SLFN12: variants seen among roughly 807,000 people sequenced by gnomAD.
SLFN12 encodes the protein schlafen family member 12.
A neutral mutation model predicts 29.1 loss-of-function variants in SLFN12; 25 were observed. The observed-to-expected ratio is 0.86, with a 90% CI of 0.63 to 1.20. The LOEUF (loss-of-function observed/expected upper bound fraction) is 1.20. Among genes scored for constraint, SLFN12 ranks in the 50% most tolerant of loss-of-function variants. SLFN12 has a pLI of 0.00. For missense variants in SLFN12, 660 were observed against 666.2 expected, an observed-to-expected ratio of 0.99 and a Z score of 0.10; for synonymous variants, 257 against 238.7, an observed-to-expected ratio of 1.08 and a Z score of -0.71.
At chr17:35,421,036 C>T (rs1911600754) in intron 2 of SLFN12, among the ~76,000 whole-genome samples, 1 of 151,630 alleles carries the variant, frequency 6.6e-6, no homozygotes, top group South Asian at 2.1e-4. Context: ...GGTGAAACTC[C>T]GTCTCTACTA....
intron 3 of SLFN12, among the ~76,000 whole-genome samples, chr17:35,416,880 C>G (rs1423820630): frequency 6.6e-6 from 1 of 152,068 alleles, no homozygotes; most frequent in Non-Finnish European, 1.5e-5. Context: ...GATCACACCG[C>G]TACACTTCAG....
intron 1 of SLFN12, among the ~76,000 whole-genome samples, chr17:35,424,410 T>C (rs1311315760): frequency 3.3e-5 from 5 of 150,894 alleles, no homozygotes; most frequent in Admixed American, 2.0e-4. Flanking sequence ...TAAGTTTAAC[T>C]TTTTTAAAAG....
chr17:35,415,386 T>C (rs1037372250), intron 3 of SLFN12, among the ~76,000 whole-genome samples: 6 of 151,944 alleles, frequency 3.9e-5, no homozygotes, highest in African/African-American at 1.4e-4. Context: ...AAGACTTAAA[T>C]CTAAGACCTG....
Position 35,422,549 on chromosome 17 carries a change from T to C in SLFN12, c.480A>G (p.Pro160=), listed in dbSNP as rs1342168081. 11 of 1,614,024 alleles carry C rather than the reference T, an allele frequency of 6.8e-6. No individual in the cohort carries two copies. Among genetic ancestry groups the C allele is most frequent in the Middle Eastern group, 1.6e-4 (1 of 6,084 alleles). ...CACAGGGCCTCTTTGCCAGCAATTC[T>C]GGTCTTAAATACAATCTCCCTCTAG... The part of the protein sequence containing the change: ...KKTRGRLYLR[P]ELLAKRPCVD... The change falls in exon 2 of 4, where the codon CCA becomes CCG. Residue 160 remains proline (P), a synonymous_variant. Transcript: ENST00000304905.
chr17:35,431,351 A>G (rs1445353558), intron 1 of SLFN12, among the ~76,000 whole-genome samples: 1 of 152,156 alleles, frequency 6.6e-6, no homozygotes, highest in East Asian at 1.9e-4. Context: ...CTTTAACCCG[A>G]CACAACCCTG....
At chr17:35,416,523 T>C (rs1368227960) in intron 3 of SLFN12, among the ~76,000 whole-genome samples, 2 of 152,054 alleles carry the variant, frequency 1.3e-5, no homozygotes, top group Non-Finnish European at 2.9e-5. Flanking sequence ...AAAATTAACA[T>C]ATAAGATACC....
chr17:35,425,838 C>CTTTTTTTTTTTTTTTTTTTTTTTTTTT (rs58492425), intron 1 of SLFN12, among the ~76,000 whole-genome samples: 5 of 39,142 alleles, frequency 1.3e-4, no homozygotes, highest in Admixed American at 7.5e-4. Flanking sequence ...CTTTTCTTTT[C>CTTTTTTTTTTTTTTTTTTTTTTTTTTT]TTTTTTTTTT....
At position 35,411,519 on chromosome 17, in the gene SLFN12, G is replaced by A. The variant is rs755860428; in HGVS notation, c.1556C>T (p.Pro519Leu). 17 of 1,613,938 alleles carry A rather than the reference G, an allele frequency of 1.1e-5. No individual in the cohort carries two copies. The highest frequency in any genetic ancestry group is 1.4e-5 in the Non-Finnish European group (16 of 1,180,028). The change falls in exon 4 of 4, where the codon CCT becomes CTT. Residue 519 changes from proline to leucine, a missense_variant. Transcript: ENST00000304905. ...QYDLRSQVIY[P>L]ESYYFTRRKY... The stretch of plus-strand genomic sequence containing the variant: ...CCTTCTTGTAAAATAGTAGGATTCA[G>A]GGTAAATTACTTGCGACCTTAAATC...
At chr17:35,428,364 G>A (rs1408227887) in intron 1 of SLFN12, among the ~76,000 whole-genome samples, 4 of 151,960 alleles carry the variant, frequency 2.6e-5, no homozygotes, top group Non-Finnish European at 4.4e-5. Context: ...ATCTTAGTGG[G>A]GATTACAGAA....
intron 2 of SLFN12, among the ~76,000 whole-genome samples, chr17:35,421,273 A>C (rs1427160773): frequency 6.6e-6 from 1 of 151,206 alleles, no homozygotes; most frequent in East Asian, 1.9e-4. Flanking sequence ...GGGGACAAGA[A>C]GCATGAAGGA....
In SLFN12 at chr17:35,422,934, T is replaced by C; in HGVS notation, c.95A>G (p.Lys32Arg). ...CTGCTTTTTTCTCAGTTTACAATCC[T>C]TCATTTTTTTCCTACTGTTCTCTCC... The part of the protein sequence containing the change: ...TLGENSRKKM[K>R]DCKLRKKQNE... The change falls in exon 2 of 4, where the codon AAG becomes AGG. Residue 32 changes from lysine (K) to arginine (R), a missense_variant. Transcript: ENST00000304905. The C allele has an allele frequency of 6.2e-7, 1 of 1,613,886 alleles. No homozygotes were observed. Among genetic ancestry groups the C allele is most frequent in the Non-Finnish European group, 8.5e-7 (1 of 1,179,990 alleles).
Position 35,422,455 on chromosome 17 carries a change from G to T in SLFN12, c.574C>A (p.Arg192=). Residue 192 remains arginine (R), a synonymous_variant, in exon 2 of 4, where the codon CGG becomes AGG. Transcript: ENST00000304905. ...GVFFDRTELD[R]KEKLTFTEST... ...TCAGTAAAGGTCAATTTTTCTTTCC[G>T]ATCAAGTTCTGTTCTATCAAAAAAA... 1 of 1,611,980 alleles carries T rather than the reference G, an allele frequency of 6.2e-7. No homozygotes were observed. The highest frequency in any genetic ancestry group is 8.5e-7 in the Non-Finnish European group (1 of 1,179,506).
At chr17:35,417,235 C>CA (rs1567845667) in intron 3 of SLFN12, among the ~76,000 whole-genome samples, 1 of 151,556 alleles carries the variant, frequency 6.6e-6, no homozygotes, top group South Asian at 2.1e-4. Flanking sequence ...TCCAGGAATG[C>CA]AAAAAAGGCT....
intron 1 of SLFN12, among the ~76,000 whole-genome samples, chr17:35,428,770 G>A (rs895444730): frequency 1.3e-5 from 2 of 152,264 alleles, no homozygotes; most frequent in Middle Eastern, 3.4e-3. Flanking sequence ...TAGTCTCAAT[G>A]TGGCATAATT....
At chr17:35,415,283 A>G (rs1170554085) in intron 3 of SLFN12, among the ~76,000 whole-genome samples, 2 of 152,114 alleles carry the variant, frequency 1.3e-5, no homozygotes, top group Non-Finnish European at 2.9e-5. Flanking sequence ...CCATGCAACA[A>G]ATGGTGCTGG....
chr17:35,423,935 G>A (rs539103919), intron 1 of SLFN12, among the ~76,000 whole-genome samples: 3 of 152,224 alleles, frequency 2.0e-5, no homozygotes, highest in Non-Finnish European at 4.4e-5. Flanking sequence ...GAATCCAACA[G>A]TGCTGGCACC....
Position 35,414,033 on chromosome 17 carries a change from C to T in SLFN12, c.1148-2106G>A, listed in dbSNP as rs1911185464. ...AAAAACCTAGAGCTAACTCCATGCT[C>T]AATGGTGAAACATTGAAAGCTTTTC... is the stretch of plus-strand genomic sequence containing the variant. On this transcript the variant is annotated intron_variant, in intron 3 of 3. Coordinates refer to ENST00000304905, the MANE Select transcript of SLFN12 (RefSeq NM_018042.5). Among the ~76,000 whole-genome samples the T allele has an allele frequency of 2.6e-5, 4 of 152,020 alleles. No individual in the cohort carries two copies. The South Asian group carries it at 8.3e-4, about 32-fold the overall frequency.
chr17:35,424,094 T>C (rs1173895377), intron 1 of SLFN12, among the ~76,000 whole-genome samples: 1 of 152,158 alleles, frequency 6.6e-6, no homozygotes, highest in African/African-American at 2.4e-5. Context: ...TTAGCTCTGT[T>C]CCCTTAAAAT....
At chr17:35,417,673 G>A (rs973214626) in intron 3 of SLFN12, among the ~76,000 whole-genome samples, 1 of 151,932 alleles carries the variant, frequency 6.6e-6, no homozygotes, top group African/African-American at 2.4e-5. Flanking sequence ...CAGAAAGATT[G>A]GAAAGGAAAA....
Sources: gnomAD v4.1 joint callset for allele counts (sites outside exome capture counted in the v4.1 genomes callset) on GRCh38, gnomAD v4.1.1 for gene constraint, MANE v1.5 for transcripts, NCBI Gene and HGNC (gene_info 2026-07-23, HGNC 2026-07-21) for gene names.